ITFG1: variants seen among roughly 807,000 people sequenced by gnomAD.
ITFG1 encodes T-cell immunomodulatory protein.
ITFG1 carries 34 observed loss-of-function variants against 81.8 expected under a neutral mutation model. The observed-to-expected ratio is 0.42, with a 90% confidence interval of 0.32 to 0.55. ITFG1 has a LOEUF of 0.55. ITFG1 is among the 20% of genes least tolerant of loss of function. The probability of loss-of-function intolerance (pLI) is 0.17; values close to 1 mark genes in which losing one functional copy is unlikely to be tolerated. For synonymous variants in ITFG1, 285 were observed against 270.6 expected, an observed-to-expected ratio of 1.05 and a Z score of -0.52; for missense variants, 672 against 755.4, an observed-to-expected ratio of 0.89 and a Z score of 1.29.
At chr16:47,188,287 C>A (rs1965249295) in intron 14 of ITFG1, among the ~76,000 whole-genome samples, 1 of 152,100 alleles carries the variant, frequency 6.6e-6, no homozygotes, top group South Asian at 2.1e-4. Flanking sequence ...GACTATAAAT[C>A]ATGCTACTAT....
chr16:47,174,726 G>C (rs1965002889), intron 14 of ITFG1, among the ~76,000 whole-genome samples: 1 of 152,096 alleles, frequency 6.6e-6, no homozygotes, highest in Non-Finnish European at 1.5e-5. Context: ...CACCATGTTG[G>C]CCAGGCTGGT....
At chr16:47,405,058 C>T (rs1393022154) in intron 6 of ITFG1, among the ~76,000 whole-genome samples, 1 of 151,932 alleles carries the variant, frequency 6.6e-6, no homozygotes, top group Non-Finnish European at 1.5e-5. Context: ...AATATCGTCT[C>T]CCAATTTGTG....
chr16:47,156,854 T>G (rs1345556887), intron 17 of ITFG1, among the ~76,000 whole-genome samples: 1 of 152,118 alleles, frequency 6.6e-6, no homozygotes, highest in African/African-American at 2.4e-5. Context: ...AGGCCAAGGA[T>G]TTTATACATA....
intron 6 of ITFG1, among the ~76,000 whole-genome samples, chr16:47,425,031 C>T (rs1969001518): frequency 6.6e-6 from 1 of 152,162 alleles, no homozygotes. Context: ...TTCTGCTATG[C>T]CCTGCCCCCA....
At chr16:47,259,408 A>G (rs538227048) in intron 11 of ITFG1, among the ~76,000 whole-genome samples, 1 of 152,300 alleles carries the variant, frequency 6.6e-6, no homozygotes, top group African/African-American at 2.4e-5. Flanking sequence ...ATGTACAGAA[A>G]TTAAAAATGG....
chr16:47,200,938 C>T (rs576135387), intron 14 of ITFG1, among the ~76,000 whole-genome samples: 27 of 152,248 alleles, frequency 1.8e-4, no homozygotes, highest in African/African-American at 5.8e-4. Flanking sequence ...AATACATCAC[C>T]AATTTACTAA....
chr16:47,460,878 G>A lies in ITFG1; in HGVS notation c.168C>T (p.Leu56=), dbSNP rs752079719. The A allele has an allele frequency of 1.2e-5, 20 of 1,613,706 alleles. No individual in the cohort carries two copies. The highest frequency in any genetic ancestry group is 1.5e-5 in the Non-Finnish European group (18 of 1,180,002). The change falls in exon 1 of 18, where the codon CTC becomes CTT. Residue 56 remains leucine, a synonymous_variant. Coordinates refer to ENST00000320640, the MANE Select transcript of ITFG1 (RefSeq NM_030790.5). The part of the protein sequence containing the change: ...AWGTLAAFGD[L]NSDKQTDLFV... Reference sequence around the variant, plus strand: ...AGAGATCCGTCTGCTTGTCGGAGTTGAGGTCCCCGAAAGCCGCAAGGGTGC... The same window carrying A: ...AGAGATCCGTCTGCTTGTCGGAGTTAAGGTCCCCGAAAGCCGCAAGGGTGC...
chr16:47,236,474 C>CAAAAAAA (rs68028486), intron 13 of ITFG1, among the ~76,000 whole-genome samples: 2 of 52,278 alleles, frequency 3.8e-5, no homozygotes, highest in Non-Finnish European at 4.2e-5. Context: ...GACTCCATCT[C>CAAAAAAA]AAAAAAAAAA....
intron 14 of ITFG1, chr16:47,218,032 G>A (rs1422514534): frequency 6.6e-6 from 1 of 152,220 alleles, no homozygotes; most frequent in African/African-American, 2.4e-5. Flanking sequence ...CAGTACAACT[G>A]AGACTCTTAA....
intron 6 of ITFG1, among the ~76,000 whole-genome samples, chr16:47,380,268 T>C (rs903345936): frequency 1.3e-5 from 2 of 152,132 alleles, no homozygotes; most frequent in Non-Finnish European, 2.9e-5. Flanking sequence ...AGTCCTCAGA[T>C]TCACGCAAAA....
intron 5 of ITFG1, chr16:47,448,079 T>C (rs1309667789): frequency 6.6e-6 from 1 of 152,204 alleles, no homozygotes. Flanking sequence ...TAACGCTGAT[T>C]ACAAAGTCAA....
At chr16:47,425,588 CCTTT>C (rs1376423267) in intron 6 of ITFG1, among the ~76,000 whole-genome samples, 1 of 143,762 alleles carries the variant, frequency 7.0e-6, no homozygotes, top group Non-Finnish European at 1.5e-5. Flanking sequence ...AAGTGACGCT[CCTTT>C]TTTTTTTTTT....
chr16:47,225,653 T>C (rs547483929), intron 13 of ITFG1, among the ~76,000 whole-genome samples: 1 of 152,088 alleles, frequency 6.6e-6, no homozygotes, highest in Non-Finnish European at 1.5e-5. Context: ...AAATTCAAAG[T>C]GTTAAAAGAA....
intron 8 of ITFG1, among the ~76,000 whole-genome samples, chr16:47,314,158 T>A (rs1467862456): frequency 1.3e-5 from 2 of 152,090 alleles, no homozygotes; most frequent in African/African-American, 2.4e-5. Flanking sequence ...AACCTACACA[T>A]GGACTCCTTG....
At chr16:47,229,177 T>C (rs1310660981) in intron 13 of ITFG1, among the ~76,000 whole-genome samples, 1 of 151,992 alleles carries the variant, frequency 6.6e-6, no homozygotes, top group Non-Finnish European at 1.5e-5. Flanking sequence ...CTATAATAAG[T>C]GACAGTAGTA....
chr16:47,438,003 C>T (rs111743204), intron 5 of ITFG1, among the ~76,000 whole-genome samples: 15,580 of 152,226 alleles, frequency 0.1, 1,620 homozygotes, highest in African/African-American at 0.27. Context: ...GCTTTTCCAA[C>T]GGGCTTAACA....
chr16:47,311,398 T>C lies in ITFG1; in HGVS notation c.912A>G (p.Leu304=), dbSNP rs1596882787. 2 of 1,612,700 alleles carry C rather than the reference T, an allele frequency of 1.2e-6. No homozygotes were observed. Among genetic ancestry groups the C allele is most frequent in the African/African-American group, 1.3e-5 (1 of 75,000 alleles). ...GTGTGCCCTTATTGCTGAAATCTTG[T>C]AGGACTGGAACCCACTATGGATTAA... ...RSGMKQWVPV[L]QDFSNKGTLW... Residue 304 remains leucine, a synonymous_variant, in exon 10 of 18, where the codon CTA becomes CTG. Coordinates refer to ENST00000320640, the MANE Select transcript of ITFG1 (RefSeq NM_030790.5).
At chr16:47,442,314 G>C (rs1969262937) in intron 5 of ITFG1, among the ~76,000 whole-genome samples, 1 of 151,938 alleles carries the variant, frequency 6.6e-6, no homozygotes, top group African/African-American at 2.4e-5. Context: ...TTTTTTCAGA[G>C]AATTGGAAAA....
chr16:47,218,001 A>G (rs1965646448), intron 14 of ITFG1: 1 of 152,332 alleles, frequency 6.6e-6, no homozygotes, highest in South Asian at 2.1e-4. Context: ...GTTATATGGA[A>G]TGTTTCTGTG....
Sources: gnomAD v4.1 joint callset for allele counts (sites outside exome capture counted in the v4.1 genomes callset) on GRCh38, gnomAD v4.1.1 for gene constraint, MANE v1.5 for transcripts, NCBI Gene and HGNC (gene_info 2026-07-23, HGNC 2026-07-21) for gene names.